The following EXD3 variants were observed in gnomAD, a reference collection of about 807,000 sequenced individuals.
The protein encoded by EXD3 is exonuclease 3'-5' domain containing 3.
EXD3 carries 92 observed loss-of-function variants against 98.0 expected under a neutral mutation model. The ratio of observed to expected loss-of-function variants is 0.94; its 90% CI spans 0.79 to 1.12. The LOEUF (loss-of-function observed/expected upper bound fraction) is 1.12. Among genes scored for constraint, EXD3 ranks in the 50% most tolerant of loss-of-function variants. The pLI, the probability that EXD3 is intolerant of heterozygous loss-of-function variation, is 0.00. For synonymous variants in EXD3, 569 were observed against 526.0 expected, an observed-to-expected ratio of 1.08 and a Z score of -1.12; for missense variants, 1,222 against 1,191.6, an observed-to-expected ratio of 1.03 and a Z score of -0.38.
intron 17 of EXD3, among the ~76,000 whole-genome samples, chr9:137,344,039 C>T (rs1373744115): frequency 2.0e-5 from 3 of 151,074 alleles, no homozygotes; most frequent in Non-Finnish European, 2.9e-5. Flanking sequence ...CTACAGGTGC[C>T]CGCCACCACA....
chr9:137,357,698 G>A (rs1049905201), intron 7 of EXD3, among the ~76,000 whole-genome samples: 1 of 147,216 alleles, frequency 6.8e-6, no homozygotes, highest in African/African-American at 2.5e-5. Flanking sequence ...AGAACTCATA[G>A]GATATATATA....
intron 7 of EXD3, among the ~76,000 whole-genome samples, chr9:137,362,425 T>C (rs557121955): frequency 4.6e-5 from 7 of 152,032 alleles, no homozygotes; most frequent in South Asian, 2.1e-4. Flanking sequence ...TTCATCTCAA[T>C]AGAAAAGTCA....
intron 7 of EXD3, among the ~76,000 whole-genome samples, 174 bp from the exon 8 acceptor site, chr9:137,356,542 A>G (rs1276878924): frequency 6.6e-6 from 1 of 152,186 alleles, no homozygotes; most frequent in Non-Finnish European, 1.5e-5. Context: ...GGAGGTCGAC[A>G]TTGAAATGGT....
chr9:137,418,246 G>T (rs369905254), intron 1 of EXD3, among the ~76,000 whole-genome samples: 2 of 152,178 alleles, frequency 1.3e-5, no homozygotes, highest in African/African-American at 4.8e-5. Flanking sequence ...AACTCAGGAG[G>T]CTGAGGCAGG....
At chr9:137,415,549 G>A (rs553688228) in intron 1 of EXD3, among the ~76,000 whole-genome samples, 5 of 152,274 alleles carry the variant, frequency 3.3e-5, no homozygotes, top group South Asian at 2.1e-4. Context: ...TTAGCTCTGC[G>A]GCAAGCTTCT....
chr9:137,307,893 CAT>C (rs1329612946), intron 20 of EXD3, among the ~76,000 whole-genome samples: 3 of 152,074 alleles, frequency 2.0e-5, no homozygotes, highest in Admixed American at 6.5e-5. Context: ...CCCTGGGAAA[CAT>C]GTTCTAGGCG....
intron 1 of EXD3, among the ~76,000 whole-genome samples, chr9:137,417,066 G>A (rs779448065): frequency 3.9e-5 from 6 of 152,236 alleles, no homozygotes; most frequent in Non-Finnish European, 8.8e-5. Flanking sequence ...AGGCGGCAAC[G>A]GCAGGAGAGG....
chr9:137,407,270 A>AGCGCTGCAGGCAGAGCCCAGCCCG lies in EXD3; in HGVS notation c.-47-11890_-47-11867dup, dbSNP rs1837766708. ...CTGGGTCTCCGTTTCCCACCAGGCCAGCGCTGCAGGCAGAGCCCAGCCCGG... is the reference window on the plus strand; with the variant it reads ...CTGGGTCTCCGTTTCCCACCAGGCCAGCGCTGCAGGCAGAGCCCAGCCCGGCGCTGCAGGCAGAGCCCAGCCCGG... On this transcript the variant is annotated intron_variant, in intron 1 of 21. Transcript: ENST00000340951. The surrounding 1 kb of genome is among the most constrained non-coding windows in gnomAD (Gnocchi z 4.4). 9.2e-5 allele frequency among the ~76,000 whole-genome samples: 14 copies of AGCGCTGCAGGCAGAGCCCAGCCCG among 152,272 alleles called. No individual in the cohort carries two copies. The South Asian group carries it at 2.9e-3, about 32-fold the overall frequency.
In EXD3 at chr9:137,389,760, G is replaced by A. The variant is rs570925471; in HGVS notation, c.55+5543C>T. Among the ~76,000 whole-genome samples the A allele has an allele frequency of 2.0e-5, 3 of 152,282 alleles. No individual in the cohort carries two copies. In the South Asian group the frequency reaches 6.2e-4, roughly 32 times the overall value. ...CCCAAATTTCATTCTGCAACCGCAGGTCAGAAAATCTGCTGAAGAAAAGAT... is the reference window on the plus strand; with the variant it reads ...CCCAAATTTCATTCTGCAACCGCAGATCAGAAAATCTGCTGAAGAAAAGAT... On this transcript the variant is annotated intron_variant, in intron 2 of 21. Transcript: ENST00000340951.
At chr9:137,367,191 C>T (rs1321414412) in intron 6 of EXD3, among the ~76,000 whole-genome samples, 6 of 152,078 alleles carry the variant, frequency 3.9e-5, no homozygotes, top group Non-Finnish European at 5.9e-5. Flanking sequence ...TGCCTGGCGC[C>T]GACTGCATGG....
chr9:137,349,362 C>A lies in EXD3; in HGVS notation c.1657+7G>T, dbSNP rs371077343. ...GAGGGGTCACTCCCACCCGCCGCAC[C>A]GCACACCTGCGTAGATGACCTGCTC... On this transcript the variant is annotated splice_region_variant and intron_variant, in intron 15 of 21. Transcript: ENST00000340951. This position sits in a 1 kb window ranked among gnomAD's most constrained non-coding sequence, Gnocchi z 7.4. The A allele has an allele frequency of 7.6e-6, 12 of 1,577,992 alleles. No homozygotes were observed. Among genetic ancestry groups the A allele is most frequent in the Non-Finnish European group, 1.0e-5 (12 of 1,167,788 alleles).
intron 3 of EXD3, among the ~76,000 whole-genome samples, chr9:137,376,800 A>G (rs143417783): frequency 2.4e-4 from 37 of 151,920 alleles, no homozygotes; most frequent in African/African-American, 8.2e-4. Flanking sequence ...ATGGTGGCAC[A>G]TGCCTGTAAT....
chr9:137,338,321 A>G (rs1277818731), intron 17 of EXD3, among the ~76,000 whole-genome samples: 1 of 152,248 alleles, frequency 6.6e-6, no homozygotes, highest in African/African-American at 2.4e-5. Context: ...ATTGATATTC[A>G]AACGTTGTTA....
chr9:137,333,636 G>A (rs1833210127), intron 17 of EXD3, among the ~76,000 whole-genome samples: 1 of 152,086 alleles, frequency 6.6e-6, no homozygotes, highest in Admixed American at 6.6e-5. Flanking sequence ...AAAGTGCGTA[G>A]CGCGTCCCCT....
intron 12 of EXD3, 141 bp downstream of exon 12, chr9:137,351,925 C>T: frequency 9.2e-7 from 1 of 1,086,822 alleles, no homozygotes; most frequent in East Asian, 2.6e-5. Context: ...GAACGGCTGC[C>T]CTCACAGCAG....
At chr9:137,382,116 T>TGAGGGCGCGGGGA (rs1836331792) in intron 3 of EXD3, among the ~76,000 whole-genome samples, 1 of 25,114 alleles carries the variant, frequency 4.0e-5, no homozygotes. Flanking sequence ...AGGGCGGCGG[T>TGAGGGCGCGGGGA]GGAGGTGAGG....
Position 137,373,508 on chromosome 9 carries a change from C to G in EXD3, c.212G>C (p.Gly71Ala), listed in dbSNP as rs7389259. ...CCAGGCCGCCAGGGAGGGGCCCTCT[C>G]CCCGCTGGCCCCGGCAGCTCTCCAG... ...DMLESCRGQR[G>A]EGPSLAAWIS... The change falls in exon 4 of 22, where the codon GGA becomes GCA. Residue 71 changes from glycine to alanine, a missense_variant. Transcript: ENST00000340951. 1.2e-6 allele frequency: 2 copies of G among 1,604,704 alleles called. No homozygotes were observed. Among genetic ancestry groups the G allele is most frequent in the African/African-American group, 2.7e-5 (2 of 74,750 alleles).
intron 2 of EXD3, among the ~76,000 whole-genome samples, chr9:137,387,558 G>A (rs1296035793): frequency 6.6e-6 from 1 of 151,996 alleles, no homozygotes. Flanking sequence ...GAAGACAAGC[G>A]AGCTCTGTGA....
intron 2 of EXD3, among the ~76,000 whole-genome samples, chr9:137,394,502 ACCCCGGCC>A (rs1837105507): frequency 9.2e-6 from 1 of 108,920 alleles, no homozygotes; most frequent in Non-Finnish European, 1.9e-5. Context: ...CGCTTCCCTA[ACCCCGGCC>A]TCCCAGCCTC....
Sources: allele counts gnomAD v4.1 joint callset (sites outside exome capture counted in the v4.1 genomes callset), GRCh38; gene constraint gnomAD v4.1.1; non-coding constraint Gnocchi (gnomAD v3.1); transcripts MANE v1.5; gene names NCBI Gene and HGNC (gene_info 2026-07-23, HGNC 2026-07-21).